CAP1: variants seen among roughly 807,000 people sequenced by gnomAD.
The protein encoded by CAP1 is adenylyl cyclase-associated protein 1.
In CAP1, 11 loss-of-function variants were observed where a neutral mutation model predicts 58.2. That is an observed-to-expected ratio of 0.19 (90% CI 0.12 to 0.31). CAP1 has a LOEUF of 0.31. CAP1 is among the 10% of genes least tolerant of loss of function. The probability of loss-of-function intolerance (pLI) is 1.00; values close to 1 mark genes in which losing one functional copy is unlikely to be tolerated. For missense variants in CAP1, 423 were observed against 587.5 expected (o/e 0.72, Z 2.89); for synonymous variants, 183 against 213.8 (o/e 0.86, Z 1.26).
At chr1:40,057,678 T>C (rs182753090) in intron 1 of CAP1, among the ~76,000 whole-genome samples, 5 of 152,318 alleles carry the variant, frequency 3.3e-5, no homozygotes, top group Admixed American at 6.5e-5. Flanking sequence ...ATGTGTTAAA[T>C]TGAGATAATT....
chr1:40,061,600 T>G, intron 3 of CAP1, 135 bp from the exon 4 acceptor site: 4 of 741,328 alleles, frequency 5.4e-6, no homozygotes, highest in Non-Finnish European at 9.8e-6. Flanking sequence ...CCCTGGAATC[T>G]GGAATACATG....
chr1:40,043,610 C>G (rs1009355348), intron 1 of CAP1, among the ~76,000 whole-genome samples: 1 of 152,206 alleles, frequency 6.6e-6, no homozygotes, highest in Admixed American at 6.5e-5. Context: ...GGCACAGTGA[C>G]TCACGCCTGT....
chr1:40,060,217 T>C (rs750468516), intron 3 of CAP1, 47 bp downstream of exon 3: 2 of 1,443,390 alleles, frequency 1.4e-6, no homozygotes, highest in South Asian at 2.3e-5. Context: ...ACTAACAGCT[T>C]TCTTCAGTCA....
At chr1:40,046,465 AAAAAC>A (rs1240231124) in intron 1 of CAP1, among the ~76,000 whole-genome samples, 6 of 74,814 alleles carry the variant, frequency 8.0e-5, no homozygotes, top group Non-Finnish European at 8.0e-5. Context: ...TCCGTCTCAA[AAAAAC>A]AAAACAAAAC....
Position 40,064,487 on chromosome 1 carries a change from G to T in CAP1, c.452G>T (p.Gly151Val), listed in dbSNP as rs1446252829. 1 of 1,613,908 alleles carries T rather than the reference G, an allele frequency of 6.2e-7. No individual in the cohort carries two copies. The highest frequency in any genetic ancestry group is 1.3e-5 in the African/African-American group (1 of 75,022). ...LGWVAMAPKPGPYVKEMNDAA... is the reference protein window; with the variant it reads ...LGWVAMAPKPVPYVKEMNDAA... ...GTCTCTCTCTAGGCTCCCAAGCCTG[G>T]CCCTTATGTGAAAGAAATGAATGAT... The change falls in exon 6 of 13, where the codon GGC becomes GTC. Residue 151 changes from glycine (G) to valine (V), a missense_variant. Transcript: ENST00000372805.
Position 40,067,542 on chromosome 1 carries a change from G to C in CAP1, c.633G>C (p.Gly211=). The change falls in exon 8 of 13, where the codon GGG becomes GGC. Residue 211 remains glycine, a splice_region_variant and synonymous_variant. Transcript: ENST00000372805. ...GTTACCTGCACTTATTGTTCCAGGGGCCTGTGGCAAAAGAACTGAGCGGAC... is the reference window on the plus strand; with the variant it reads ...GTTACCTGCACTTATTGTTCCAGGGCCCTGTGGCAAAAGAACTGAGCGGAC... ...HTTGLAWSKT[G]PVAKELSGLP... 2 of 1,608,570 alleles carry C rather than the reference G, an allele frequency of 1.2e-6. No homozygotes were observed. Among genetic ancestry groups the C allele is most frequent in the Non-Finnish European group, 1.7e-6 (2 of 1,177,212 alleles).
chr1:40,068,426 A>C (rs1195664426), intron 8 of CAP1, among the ~76,000 whole-genome samples: 1 of 150,756 alleles, frequency 6.6e-6, no homozygotes, highest in Non-Finnish European at 1.5e-5. Flanking sequence ...ATGCGTCACC[A>C]TGCCTGGCTA....
intron 8 of CAP1, 28 bp downstream of exon 8, chr1:40,067,745 A>AG (rs1347939604): frequency 6.5e-7 from 1 of 1,546,750 alleles, no homozygotes; most frequent in African/African-American, 1.4e-5. Context: ...CACGAACAGT[A>AG]GGTACAACAA....
rs72214452 is a variant in CAP1, at chr1:40,049,178, ATTTTTTT to A, written c.-11+8397_-11+8403del. ...TGGCAGGAATCACTAGCCATTTCTA[ATTTTTTT>A]TTTTTTTTTTTTTTTTTTTGAGACA... is the stretch of plus-strand genomic sequence containing the variant. On this transcript the variant is annotated intron_variant, in intron 1 of 12. Coordinates refer to ENST00000372805, the MANE Select transcript of CAP1 (RefSeq NM_006367.4). 5.5e-4 allele frequency among the ~76,000 whole-genome samples: 47 copies of A among 84,884 alleles called. 2 individuals are homozygous for A. The South Asian group carries it at 0.02, about 37-fold the overall frequency. 55.7% of individuals were successfully genotyped at this position (84,884 alleles called of 152,430 possible).
chr1:40,063,811 A>T (rs1158350466), intron 4 of CAP1, among the ~76,000 whole-genome samples: 1 of 152,210 alleles, frequency 6.6e-6, no homozygotes, highest in Non-Finnish European at 1.5e-5. Context: ...GCTGACAACA[A>T]ATGCTGTAGG....
At chr1:40,061,245 TTTAA>T (rs1243832976) in intron 3 of CAP1, among the ~76,000 whole-genome samples, 2 of 152,178 alleles carry the variant, frequency 1.3e-5, no homozygotes, top group Admixed American at 6.5e-5. Context: ...ACTAAATTGA[TTTAA>T]TTATTTATTA....
rs200834995 is a variant in CAP1 at position 40,063,212 on chromosome 1, C to CT, written c.295-1014dup. 2.6e-3 allele frequency among the ~76,000 whole-genome samples: 399 copies of CT among 151,532 alleles called. 6 individuals carry two copies. The East Asian group carries it at 0.034, about 13-fold the overall frequency. On this transcript the variant is annotated intron_variant, in intron 4 of 12. Transcript: ENST00000372805. Reference sequence around the variant, plus strand: ...TTTATTTCTGAGATGGAGTTTCTCTCTGTCGCCCAGGCTGGAGTGCAGTGG... The same window carrying CT: ...TTTATTTCTGAGATGGAGTTTCTCTCTTGTCGCCCAGGCTGGAGTGCAGTGG...
At position 40,070,148 on chromosome 1, in the gene CAP1, C is replaced by G. The variant is rs1459181801; in HGVS notation, c.994-11C>G. 1 of 1,613,690 alleles carries G rather than the reference C, an allele frequency of 6.2e-7. No homozygotes were observed. The highest frequency in any genetic ancestry group is 8.5e-7 in the Non-Finnish European group (1 of 1,179,976). ...CTTTGTGATGAGAATCCTGGGATCT[C>G]TCTCTAACAGGAAAATCAGGAAAAT... On this transcript the variant is annotated splice_polypyrimidine_tract_variant and intron_variant, in intron 9 of 12. Coordinates refer to ENST00000372805, the MANE Select transcript of CAP1 (RefSeq NM_006367.4).
At chr1:40,062,444 A>C (rs533746823) in intron 4 of CAP1, among the ~76,000 whole-genome samples, 9 of 152,310 alleles carry the variant, frequency 5.9e-5, no homozygotes, top group Admixed American at 1.3e-4. Flanking sequence ...ATAGTGCAAG[A>C]TAATGTCAAA....
intron 1 of CAP1, among the ~76,000 whole-genome samples, chr1:40,044,300 T>C (rs757250279): frequency 2.0e-5 from 3 of 152,212 alleles, no homozygotes; most frequent in Non-Finnish European, 2.9e-5. Flanking sequence ...AATTTTTTTT[T>C]ACTTAAGCAA....
chr1:40,070,371 T>C, intron 10 of CAP1, 59 bp from the exon 11 acceptor site: 2 of 1,592,430 alleles, frequency 1.3e-6, no homozygotes, highest in East Asian at 4.5e-5. Flanking sequence ...TAAAGATTCC[T>C]AAATGTATAT....
Position 40,059,223 on chromosome 1 carries a change from T to C in CAP1, c.-10-114T>C. 6 of 610,696 alleles carry C rather than the reference T, an allele frequency of 9.8e-6. No homozygotes were observed. In the South Asian group the frequency reaches 1.3e-4, roughly 13 times the overall value. The allele number at this position is 610,696 out of a possible 1,614,324, so 37.8% of individuals were successfully genotyped here. On this transcript the variant is annotated intron_variant, in intron 1 of 12. Transcript: ENST00000372805. ...TAATTTTATTAAATTATTCTGTTCC[T>C]GAGAATTGGCATCCTCTTCATCCAC...
At chr1:40,053,536 C>T (rs980433511) in intron 1 of CAP1, among the ~76,000 whole-genome samples, 7 of 152,076 alleles carry the variant, frequency 4.6e-5, no homozygotes, top group Non-Finnish European at 8.8e-5. Context: ...CTGCAATCTC[C>T]GCCTCCCAGG....
In CAP1 at chr1:40,071,720, T is replaced by C. The variant is rs900826834; in HGVS notation, c.*187T>C. On this transcript the variant is annotated 3_prime_UTR_variant, in exon 13 of 13. Transcript: ENST00000372805. ...AATTTGGGGTGGGATAGCAGGTCAG[T>C]TGATCTTCTGCAGGAAGGTGCAGCT... The C allele has an allele frequency of 2.1e-5, 12 of 575,642 alleles. No homozygotes were observed. The highest frequency in any genetic ancestry group is 4.6e-4 in the Middle Eastern group (1 of 2,176). 35.7% of individuals were successfully genotyped at this position (575,642 alleles called of 1,614,324 possible).
Sources: gnomAD v4.1 joint callset for allele counts (sites outside exome capture counted in the v4.1 genomes callset) on GRCh38, gnomAD v4.1.1 for gene constraint, MANE v1.5 for transcripts, NCBI Gene and HGNC (gene_info 2026-07-23, HGNC 2026-07-21) for gene names.